Variants in MBP observed in about 807,000 individuals in gnomAD.
MBP encodes the protein myelin basic protein, also known as Golli-MBP.
MBP carries 16 observed loss-of-function variants against 35.8 expected under a neutral mutation model. The ratio of observed to expected loss-of-function variants is 0.45; its 90% confidence interval spans 0.30 to 0.68. The LOEUF is 0.68. MBP is among the 30% of genes least tolerant of loss of function. MBP has a pLI of 0.08. For missense variants in MBP, 380 were observed against 404.7 expected (o/e 0.94, Z 0.52); for synonymous variants, 143 against 159.6 (o/e 0.90, Z 0.78).
intron 3 of MBP, among the ~76,000 whole-genome samples, chr18:77,026,259 G>T (rs770292800): frequency 6.6e-6 from 1 of 152,264 alleles, no homozygotes; most frequent in African/African-American, 2.4e-5. Flanking sequence ...GGCAGAGCGC[G>T]GGCGTTCTGA....
At chr18:77,094,302 T>C (rs1568336794) in intron 2 of MBP, among the ~76,000 whole-genome samples, 1 of 152,228 alleles carries the variant, frequency 6.6e-6, no homozygotes. Context: ...GGATGCCTTT[T>C]CTATATTATT....
intron 7 of MBP, chr18:76,986,724 A>G (rs935362998): frequency 4.1e-6 from 4 of 985,508 alleles, no homozygotes; most frequent in African/African-American, 3.5e-5. Flanking sequence ...CTGGCTCTAC[A>G]TGGCAGAAAG....
At chr18:77,039,100 AAC>A (rs1285512469) in intron 3 of MBP, among the ~76,000 whole-genome samples, 1 of 152,234 alleles carries the variant, frequency 6.6e-6, no homozygotes, top group African/African-American at 2.4e-5. Flanking sequence ...GGTTCACTGA[AAC>A]ACAGTCACAC....
chr18:77,123,145 G>A (rs1489604012), intron 1 of MBP, among the ~76,000 whole-genome samples: 6 of 152,208 alleles, frequency 3.9e-5, no homozygotes, highest in Admixed American at 2.6e-4. Context: ...GTAATGGTAC[G>A]TTTGCTGTAT....
At chr18:77,046,089 C>T (rs1599135312) in intron 3 of MBP, among the ~76,000 whole-genome samples, 1 of 152,338 alleles carries the variant, frequency 6.6e-6, no homozygotes, top group Non-Finnish European at 1.5e-5. Context: ...TCTAGATATT[C>T]AAATTGCTGG....
At chr18:77,100,560 C>CTT (rs1330872252) in intron 2 of MBP, among the ~76,000 whole-genome samples, 1 of 135,434 alleles carries the variant, frequency 7.4e-6, no homozygotes, top group African/African-American at 2.8e-5. Flanking sequence ...GTGGTTTTTT[C>CTT]TTTTTTTTGA....
Position 76,979,944 on chromosome 18 carries a change from A to T in MBP, c.*483T>A, listed in dbSNP as rs1969083614. On this transcript the variant is annotated 3_prime_UTR_variant, in exon 9 of 9. Coordinates refer to ENST00000355994, the MANE Select transcript of MBP (RefSeq NM_001025101.2). ...TAGGAAAAATGAAGTCTACTTTAGG[A>T]GGTGAGAGAAGGACAGGAAAAAAAA... 1 of 701,994 alleles carries T rather than the reference A, an allele frequency of 1.4e-6. No individual in the cohort carries two copies. The highest frequency in any genetic ancestry group is 1.7e-5 in the African/African-American group (1 of 57,292). 43.5% of individuals were successfully genotyped at this position (701,994 alleles called of 1,614,324 possible).
chr18:77,036,329 C>T (rs1476338961), intron 3 of MBP, among the ~76,000 whole-genome samples: 9 of 120,860 alleles, frequency 7.4e-5, no homozygotes, highest in Admixed American at 2.4e-4. Flanking sequence ...GTGCTGGTCA[C>T]ATTTTGGAGA....
intron 4 of MBP, among the ~76,000 whole-genome samples, chr18:76,994,756 GAACA>G (rs564547460): frequency 3.9e-5 from 6 of 152,200 alleles, no homozygotes; most frequent in Non-Finnish European, 8.8e-5. Context: ...TCCTCATACA[GAACA>G]AAGAATGCAG....
intron 4 of MBP, among the ~76,000 whole-genome samples, chr18:77,008,688 C>A (rs1465890920): frequency 6.6e-6 from 1 of 152,242 alleles, no homozygotes; most frequent in Non-Finnish European, 1.5e-5. Flanking sequence ...CTCTGCTGCA[C>A]TTTCAGCCAC....
At chr18:77,021,482 CTTTTT>C (rs140602815) in intron 3 of MBP, among the ~76,000 whole-genome samples, 1 of 122,170 alleles carries the variant, frequency 8.2e-6, no homozygotes, top group African/African-American at 3.2e-5. Flanking sequence ...GAAGATGCAC[CTTTTT>C]TTTTTTTTTT....
chr18:77,079,428 G>A (rs1010029985), intron 2 of MBP, among the ~76,000 whole-genome samples: 5 of 152,172 alleles, frequency 3.3e-5, no homozygotes, highest in Non-Finnish European at 5.9e-5. Context: ...TTTCTCACCA[G>A]GACATACAAT....
intron 3 of MBP, among the ~76,000 whole-genome samples, chr18:77,032,086 G>C (rs994263865): frequency 6.6e-6 from 1 of 152,222 alleles, no homozygotes; most frequent in African/African-American, 2.4e-5. Context: ...CACTGGAGAA[G>C]GCGCCGGGGG....
intron 4 of MBP, among the ~76,000 whole-genome samples, chr18:77,000,665 C>T (rs1970579116): frequency 6.6e-6 from 1 of 152,232 alleles, no homozygotes; most frequent in Non-Finnish European, 1.5e-5. Context: ...GGCTGCTGCC[C>T]GCCGCCTGTT....
intron 4 of MBP, chr18:77,003,804 T>C (rs1382069594): frequency 6.6e-6 from 1 of 152,192 alleles, no homozygotes; most frequent in East Asian, 1.9e-4. Context: ...GTTTAAGTGA[T>C]TAAATGATCC....
At chr18:77,069,504 C>G (rs1438888197) in intron 2 of MBP, among the ~76,000 whole-genome samples, 2 of 152,178 alleles carry the variant, frequency 1.3e-5, no homozygotes, top group Non-Finnish European at 2.9e-5. Context: ...TAATGTCTCT[C>G]CAAGCGGGAC....
chr18:77,132,155 C>G (rs1319025924), intron 1 of MBP, among the ~76,000 whole-genome samples: 2 of 152,190 alleles, frequency 1.3e-5, no homozygotes, highest in Non-Finnish European at 1.5e-5. Flanking sequence ...ACCCTAGACT[C>G]CTCCCCTCAG....
rs1301995671 is a variant in MBP, at chr18:76,984,850, C to T, written c.795G>A (p.Ala265=). ...CCTTGTGAGCCGATTTATAGTCGGA[C>T]GCTCTGCCTCCGTAGCCAAATCCTG... ...QRPGFGYGGR[A]SDYKSAHKGF... Residue 265 remains alanine (A), a synonymous_variant, in exon 8 of 9, where the codon GCG becomes GCA. Transcript: ENST00000355994. 1.7e-5 allele frequency: 28 copies of T among 1,613,834 alleles called. No individual in the cohort carries two copies. The African/African-American group carries it at 1.9e-4, about 11-fold the overall frequency.
chr18:77,060,782 T>C (rs1156564708), intron 3 of MBP, among the ~76,000 whole-genome samples: 3 of 152,176 alleles, frequency 2.0e-5, no homozygotes, highest in African/African-American at 7.2e-5. Flanking sequence ...CTTGCAACAA[T>C]TCTTGAGGGT....
Sources: gnomAD v4.1 joint callset for allele counts (sites outside exome capture counted in the v4.1 genomes callset) on GRCh38, gnomAD v4.1.1 for gene constraint, MANE v1.5 for transcripts, NCBI Gene and HGNC (gene_info 2026-07-23, HGNC 2026-07-21) for gene names.